MIPOL1: variants seen among roughly 807,000 people sequenced by gnomAD.
The protein encoded by MIPOL1 is mirror-image polydactyly gene 1 protein.
A neutral mutation model predicts 60.9 loss-of-function variants in MIPOL1; 57 were observed. The observed-to-expected ratio is 0.94, with a 90% CI of 0.76 to 1.17. MIPOL1 has a LOEUF of 1.17. Ranked by LOEUF, MIPOL1 falls within the 50% of genes most tolerant of loss-of-function variation. MIPOL1 has a pLI of 0.00. For synonymous variants in MIPOL1, 179 were observed against 168.8 expected (o/e 1.06, Z -0.47); for missense variants, 551 against 511.6 (o/e 1.08, Z -0.74).
Position 37,488,229 on chromosome 14 carries a change from T to C in MIPOL1, c.1032-11679T>C, listed in dbSNP as rs1242862946. On this transcript the variant is annotated intron_variant, in intron 11 of 12. Coordinates refer to ENST00000684589, the MANE Select transcript of MIPOL1 (RefSeq NM_001388067.1). The stretch of plus-strand genomic sequence containing the variant: ...CCATTCTTTTGCATTTCCTGAGCAG[T>C]GTTTCACTTGCAATTATGTGATCAG... Among the ~76,000 whole-genome samples, 4 of 152,172 alleles carry C rather than the reference T, an allele frequency of 2.6e-5. No homozygotes were observed. In the East Asian group the frequency reaches 7.7e-4, roughly 29 times the overall value.
chr14:37,230,635 T>C lies in MIPOL1; in HGVS notation c.-198-16468T>C, dbSNP rs192345613. On this transcript the variant is annotated intron_variant, in intron 1 of 12. Coordinates refer to ENST00000684589, the MANE Select transcript of MIPOL1 (RefSeq NM_001388067.1). ...TTACTTATCAAATGAGAAATTTTGG[T>C]CAGAATCTTGGTTAGGAAAAATGTG... 9.2e-5 allele frequency among the ~76,000 whole-genome samples: 14 copies of C among 152,328 alleles called. No homozygotes were observed. In the East Asian group the frequency reaches 2.5e-3, roughly 27 times the overall value.
intron 9 of MIPOL1, among the ~76,000 whole-genome samples, chr14:37,355,886 T>C (rs2091778488): frequency 1.3e-5 from 2 of 149,296 alleles, no homozygotes; most frequent in African/African-American, 2.4e-5. Flanking sequence ...TTTGATCGTC[T>C]GAAGCCTTCT....
At chr14:37,369,025 T>A (rs1435448193) in intron 9 of MIPOL1, among the ~76,000 whole-genome samples, 1 of 151,994 alleles carries the variant, frequency 6.6e-6, no homozygotes, top group East Asian at 1.9e-4. Context: ...GCTATTGCTT[T>A]TTTCCCTATA....
At position 37,465,517 on chromosome 14, in the gene MIPOL1, A is replaced by G. The variant is rs182877906; in HGVS notation, c.1032-34391A>G. 2.0e-3 allele frequency among the ~76,000 whole-genome samples: 301 copies of G among 152,242 alleles called. 2 individuals carry two copies. The highest frequency in any genetic ancestry group is 0.015 in the South Asian group (71 of 4,818). ...TCACCTCAAATCTGGCAAATTTGTA[A>G]TATTTGTTCATTCTGAAAACTGAAC... is the stretch of plus-strand genomic sequence containing the variant. On this transcript the variant is annotated intron_variant, in intron 11 of 12. Coordinates refer to ENST00000684589, the MANE Select transcript of MIPOL1 (RefSeq NM_001388067.1).
chr14:37,332,309 A>C (rs2089763264), intron 9 of MIPOL1, among the ~76,000 whole-genome samples: 1 of 152,160 alleles, frequency 6.6e-6, no homozygotes, highest in Non-Finnish European at 1.5e-5. Flanking sequence ...AAATATATTG[A>C]AATGATTATA....
chr14:37,205,820 AG>A (rs1163037802), intron 1 of MIPOL1, among the ~76,000 whole-genome samples: 4 of 152,208 alleles, frequency 2.6e-5, no homozygotes, highest in African/African-American at 9.6e-5. Context: ...ATGGCTGCAT[AG>A]TATTCCATGG....
At chr14:37,327,337 G>T (rs2089260428) in intron 9 of MIPOL1, among the ~76,000 whole-genome samples, 1 of 151,426 alleles carries the variant, frequency 6.6e-6, no homozygotes, top group South Asian at 2.1e-4. Context: ...GCCCAGGCTT[G>T]AGTGCTGTGG....
At chr14:37,469,872 A>C (rs1157017591) in intron 11 of MIPOL1, among the ~76,000 whole-genome samples, 2 of 152,218 alleles carry the variant, frequency 1.3e-5, no homozygotes, top group African/African-American at 4.8e-5. Flanking sequence ...TGGACTTTCC[A>C]GCTTCCAGAG....
intron 9 of MIPOL1, among the ~76,000 whole-genome samples, chr14:37,334,654 C>T (rs745425434): frequency 2.0e-5 from 3 of 151,922 alleles, no homozygotes; most frequent in South Asian, 2.1e-4. Context: ...TTAATAGACA[C>T]TCTCCATTTA....
At chr14:37,389,675 G>A (rs916426807) in intron 10 of MIPOL1, among the ~76,000 whole-genome samples, 1 of 149,370 alleles carries the variant, frequency 6.7e-6, no homozygotes, top group African/African-American at 2.5e-5. Context: ...CTTTTATCTC[G>A]TAGGCATGTG....
chr14:37,544,389 C>T (rs934986120), intron 12 of MIPOL1, among the ~76,000 whole-genome samples: 15 of 152,188 alleles, frequency 9.9e-5, no homozygotes, highest in Non-Finnish European at 2.1e-4. Flanking sequence ...GTCTGTTCTT[C>T]AGTTTCTTCA....
chr14:37,436,390 A>G (rs1462202368), intron 11 of MIPOL1, among the ~76,000 whole-genome samples: 1 of 152,310 alleles, frequency 6.6e-6, no homozygotes, highest in African/African-American at 2.4e-5. Context: ...TTTTAATTAT[A>G]GATGTTTTCT....
intron 10 of MIPOL1, among the ~76,000 whole-genome samples, chr14:37,397,825 C>T (rs1333332900): frequency 3.9e-5 from 6 of 152,122 alleles, no homozygotes; most frequent in African/African-American, 1.4e-4. Context: ...CCGCTGTGGC[C>T]CCTCTAACAA....
intron 10 of MIPOL1, among the ~76,000 whole-genome samples, chr14:37,410,573 G>C (rs1334740600): frequency 6.6e-6 from 1 of 152,044 alleles, no homozygotes; most frequent in African/African-American, 2.4e-5. Context: ...GAAGGAATCG[G>C]AACACAAAAG....
chr14:37,231,536 T>A (rs966800822), intron 1 of MIPOL1, among the ~76,000 whole-genome samples: 1 of 152,190 alleles, frequency 6.6e-6, no homozygotes, highest in African/African-American at 2.4e-5. Context: ...ATGAATGTCT[T>A]GTAGATACTT....
intron 9 of MIPOL1, among the ~76,000 whole-genome samples, chr14:37,312,045 A>T (rs61988347): frequency 1.4e-5 from 2 of 147,820 alleles, no homozygotes; most frequent in Non-Finnish European, 3.0e-5. Flanking sequence ...TCTCATGATT[A>T]AAGTGAGATT....
At chr14:37,274,043 T>C (rs1402477484) in intron 6 of MIPOL1, among the ~76,000 whole-genome samples, 1 of 151,490 alleles carries the variant, frequency 6.6e-6, no homozygotes. Context: ...GAAAGGGCAC[T>C]AAACTGAAAA....
intron 11 of MIPOL1, among the ~76,000 whole-genome samples, chr14:37,439,089 G>A (rs1033964669): frequency 6.6e-6 from 1 of 152,128 alleles, no homozygotes. Flanking sequence ...AGATGCAATT[G>A]CTACCTTCAA....
chr14:37,283,005 A>C (rs1332963749), intron 6 of MIPOL1, among the ~76,000 whole-genome samples: 5 of 152,126 alleles, frequency 3.3e-5, no homozygotes, highest in Non-Finnish European at 5.9e-5. Flanking sequence ...ACTACAGATA[A>C]AACGGGACTA....
Sources: gnomAD v4.1 joint callset for allele counts (sites outside exome capture counted in the v4.1 genomes callset) on GRCh38, gnomAD v4.1.1 for gene constraint, MANE v1.5 for transcripts, NCBI Gene and HGNC (gene_info 2026-07-23, HGNC 2026-07-21) for gene names.